The following RBM25 variants were observed in gnomAD, a reference collection of about 807,000 sequenced individuals.
RBM25 encodes RNA-binding protein 25.
Under a neutral mutation model 120.7 loss-of-function variants are expected in RBM25, and 19 were observed. The observed-to-expected ratio is 0.16, with a 90% CI of 0.11 to 0.23. The LOEUF (loss-of-function observed/expected upper bound fraction) is 0.23. Among genes scored for constraint, RBM25 ranks in the 10% least tolerant of loss-of-function variants. RBM25 has a pLI of 1.00. For synonymous variants in RBM25, 390 were observed against 326.7 expected (o/e 1.19, Z -2.09); for missense variants, 605 against 1,041.5 (o/e 0.58, Z 5.77).
intron 1 of RBM25, chr14:73,068,289 C>A: frequency 1.2e-6 from 1 of 842,082 alleles, no homozygotes. Flanking sequence ...GTTTGTGGGT[C>A]ACTCTCTTGT....
chr14:73,114,324 T>C lies in RBM25; in HGVS notation c.2430T>C (p.Asp810=). The change falls in exon 18 of 19, where the codon GAT becomes GAC. Residue 810 remains aspartate (D), a synonymous_variant. Coordinates refer to ENST00000261973, the MANE Select transcript of RBM25 (RefSeq NM_021239.3). ...GTTCACCCCAGAGCATTTTAGATGATGTTGCCATGGTAAGTTAGAAATTCA... is the reference window on the plus strand; with the variant it reads ...GTTCACCCCAGAGCATTTTAGATGACGTTGCCATGGTAAGTTAGAAATTCA... The part of the protein sequence containing the change: ...AHSSPQSILD[D]VAMVLDEEAE... 1.9e-6 allele frequency: 3 copies of C among 1,570,396 alleles called. No homozygotes were observed. Among genetic ancestry groups the C allele is most frequent in the Non-Finnish European group, 2.6e-6 (3 of 1,158,086 alleles).
chr14:73,074,482 C>T (rs1320955999), intron 2 of RBM25, among the ~76,000 whole-genome samples: 1 of 152,058 alleles, frequency 6.6e-6, no homozygotes, highest in Non-Finnish European at 1.5e-5. Context: ...CCTGTAATCC[C>T]ATCACTTTGG....
chr14:73,102,512 T>C (rs1896075747), intron 9 of RBM25: 1 of 152,286 alleles, frequency 6.6e-6, no homozygotes, highest in African/African-American at 2.4e-5. Flanking sequence ...GGCATAAGTA[T>C]GTTGCTTTTA....
chr14:73,083,469 C>T, intron 4 of RBM25, 25 bp from the exon 5 acceptor site: 1 of 1,531,750 alleles, frequency 6.5e-7, no homozygotes, highest in Non-Finnish European at 8.8e-7. Flanking sequence ...TGGTAGCAAT[C>T]TGTTTGTTTT....
intron 6 of RBM25, among the ~76,000 whole-genome samples, chr14:73,088,911 C>T (rs1346845863): frequency 2.0e-5 from 3 of 152,160 alleles, no homozygotes; most frequent in Non-Finnish European, 4.4e-5. Context: ...GAGGCAGAGG[C>T]GGGCAGATCA....
intron 1 of RBM25, among the ~76,000 whole-genome samples, chr14:73,063,915 T>C (rs772098928): frequency 5.3e-5 from 8 of 151,492 alleles, no homozygotes; most frequent in Non-Finnish European, 1.2e-4. Flanking sequence ...ATTTCTGATT[T>C]TCTTCATTTA....
At chr14:73,075,794 CT>C (rs971633210) in intron 2 of RBM25, among the ~76,000 whole-genome samples, 8 of 149,782 alleles carry the variant, frequency 5.3e-5, no homozygotes, top group East Asian at 1.9e-4. Flanking sequence ...CGTGTTTTAC[CT>C]TTTTTTTGGT....
intron 4 of RBM25, among the ~76,000 whole-genome samples, chr14:73,078,509 T>C (rs1438776754): frequency 6.6e-6 from 1 of 152,140 alleles, no homozygotes; most frequent in African/African-American, 2.4e-5. Context: ...AAAATTGATA[T>C]AATATTGTTA....
At chr14:73,097,157 CTT>C in intron 7 of RBM25, 57 bp downstream of exon 7, 1 of 902,202 alleles carries the variant, frequency 1.1e-6, no homozygotes, top group Non-Finnish European at 1.5e-6. Flanking sequence ...TGATATCACT[CTT>C]ATACTTTGAT....
Position 73,103,822 on chromosome 14 carries a change from G to A in RBM25, c.1154+344G>A, listed in dbSNP as rs113866529. Among the ~76,000 whole-genome samples the A allele has an allele frequency of 1.1e-4, 17 of 151,956 alleles. No individual in the cohort carries two copies. In the South Asian group the frequency reaches 1.2e-3, roughly 11 times the overall value. On this transcript the variant is annotated intron_variant, in intron 10 of 18. Transcript: ENST00000261973. ...GCCTGCCTCAGCCTCCCTAAGTGCTGGGATTATAAGCGTGAGTCACTGTGC... is the reference window on the plus strand; with the variant it reads ...GCCTGCCTCAGCCTCCCTAAGTGCTAGGATTATAAGCGTGAGTCACTGTGC...
At chr14:73,116,250 G>A (rs1022183823) in intron 18 of RBM25, among the ~76,000 whole-genome samples, 53 of 152,032 alleles carry the variant, frequency 3.5e-4, no homozygotes, top group Non-Finnish European at 6.5e-4. Context: ...ATGGAATAGC[G>A]GTCCAAAGGG....
chr14:73,114,271 A>G lies in RBM25; in HGVS notation c.2392-15A>G, dbSNP rs753910505. The G allele has an allele frequency of 6.6e-7, 1 of 1,507,690 alleles. No individual in the cohort carries two copies. The highest frequency in any genetic ancestry group is 8.9e-7 in the Non-Finnish European group (1 of 1,122,510). The allele number at this position is 1,507,690 out of a possible 1,614,324, so 93.4% of individuals were successfully genotyped here. A position where few individuals can be genotyped will look rare whatever the true frequency, so the allele number is the denominator to read the frequency against. ...TTTATTTATTTTTAATGTGACAATTATTTTTCTCTTTTAGGTTATGGCTCA... is the reference window on the plus strand; with the variant it reads ...TTTATTTATTTTTAATGTGACAATTGTTTTTCTCTTTTAGGTTATGGCTCA... On this transcript the variant is annotated splice_polypyrimidine_tract_variant and intron_variant, in intron 17 of 18. Coordinates refer to ENST00000261973, the MANE Select transcript of RBM25 (RefSeq NM_021239.3).
intron 5 of RBM25, among the ~76,000 whole-genome samples, chr14:73,087,125 A>T (rs1683685698): frequency 6.6e-6 from 1 of 152,136 alleles, no homozygotes; most frequent in African/African-American, 2.4e-5. Context: ...ATACATATTT[A>T]GATTTATTTG....
At chr14:73,106,143 T>A (rs1896182413) in intron 11 of RBM25, 53 bp from the exon 12 acceptor site, 2 of 1,582,064 alleles carry the variant, frequency 1.3e-6, no homozygotes. Context: ...TAATCAATAT[T>A]TATAGAATGC....
intron 1 of RBM25, among the ~76,000 whole-genome samples, chr14:73,066,015 T>G (rs1428404607): frequency 1.3e-5 from 2 of 152,198 alleles, no homozygotes; most frequent in Non-Finnish European, 2.9e-5. Flanking sequence ...TAAATTTGTT[T>G]ATTGAAGTCC....
At position 73,108,002 on chromosome 14, in the gene RBM25, A is replaced by G; in HGVS notation, c.1541+103A>G. On this transcript the variant is annotated intron_variant, in intron 13 of 18. Transcript: ENST00000261973. ...ATGTTCACTAAGTGGAATAAGAAAA[A>G]CAAACTTTCACATTCTGAGTAATTA... 4 of 752,588 alleles carry G rather than the reference A, an allele frequency of 5.3e-6. No homozygotes were observed. In the South Asian group the frequency reaches 7.0e-5, roughly 13 times the overall value. 46.6% of individuals were successfully genotyped at this position (752,588 alleles called of 1,614,324 possible).
rs896593991 is a variant in RBM25, at chr14:73,118,248, C to T, written c.2440-1465C>T. Among the ~76,000 whole-genome samples, 13 of 152,188 alleles carry T rather than the reference C, an allele frequency of 8.5e-5. No homozygotes were observed. The South Asian group carries it at 1.2e-3, about 15-fold the overall frequency. On this transcript the variant is annotated intron_variant, in intron 18 of 18. Coordinates refer to ENST00000261973, the MANE Select transcript of RBM25 (RefSeq NM_021239.3). ...CCCAGCACTTTGGAAGGCCAAGGTG[C>T]GCAGATTGCTTGAGCCCAGGAGTTT...
chr14:73,099,333 C>T (rs1272120790), intron 7 of RBM25, 47 bp from the exon 8 acceptor site: 2 of 1,542,018 alleles, frequency 1.3e-6, no homozygotes, highest in South Asian at 1.2e-5. Flanking sequence ...TTAGTATGAG[C>T]TCTGTTTTTC....
At chr14:73,089,552 A>G (rs1204900278) in intron 6 of RBM25, among the ~76,000 whole-genome samples, 1 of 152,024 alleles carries the variant, frequency 6.6e-6, no homozygotes, top group East Asian at 1.9e-4. Flanking sequence ...ATGGGGTTTC[A>G]TCATGTTGGC....
Sources: gnomAD v4.1 joint callset for allele counts (sites outside exome capture counted in the v4.1 genomes callset) on GRCh38, gnomAD v4.1.1 for gene constraint, MANE v1.5 for transcripts, NCBI Gene and HGNC (gene_info 2026-07-23, HGNC 2026-07-21) for gene names.